Variants in KIRREL3 observed in about 807,000 individuals in gnomAD.
The protein encoded by KIRREL3 is kirre like nephrin family adhesion molecule 3, also known as kin of IRRE-like protein 3.
Under a neutral mutation model 89.7 loss-of-function variants are expected in KIRREL3, and 36 were observed. The observed-to-expected ratio is 0.40, with a 90% CI of 0.31 to 0.53. The LOEUF (loss-of-function observed/expected upper bound fraction) is 0.53. Ranked by LOEUF, KIRREL3 falls within the 20% of genes least tolerant of loss-of-function variation. KIRREL3 has a pLI of 0.49. For missense variants in KIRREL3, 864 were observed against 1,056.6 expected (o/e 0.82, Z 2.53); for synonymous variants, 445 against 441.4 (o/e 1.01, Z -0.10).
chr11:126,995,585 C>T lies in KIRREL3; in HGVS notation c.55+4870G>A, dbSNP rs1950160116. 1 of 303,272 alleles carries T rather than the reference C, an allele frequency of 3.3e-6. No individual in the cohort carries two copies. Among genetic ancestry groups the T allele is most frequent in the African/African-American group, 2.2e-5 (1 of 45,912 alleles). The allele number at this position is 303,272 out of a possible 1,614,324, so 18.8% of individuals were successfully genotyped here. A position where few individuals can be genotyped will look rare whatever the true frequency, so the allele number is the denominator to read the frequency against. ...AGACCATAAAACCAGTGCTTTTGGC[C>T]CTCCTCCTCACTCCTCCAGTATGGG... On this transcript the variant is annotated intron_variant, in intron 1 of 16. Transcript: ENST00000525144. This position sits in a 1 kb window ranked among gnomAD's most constrained non-coding sequence, Gnocchi z 6.5.
intron 1 of KIRREL3, among the ~76,000 whole-genome samples, chr11:126,939,033 G>A (rs1784324): frequency 0.095 from 14,522 of 152,168 alleles, 805 homozygotes; most frequent in Middle Eastern, 0.17. Flanking sequence ...GCTGAGCCCC[G>A]CCCTGCCAGG....
rs192063454 is a variant in KIRREL3, at chr11:126,432,494, A to T, written c.1589-968T>A. On this transcript the variant is annotated intron_variant, in intron 13 of 16. Transcript: ENST00000525144. The surrounding 1 kb of genome is among the most constrained non-coding windows in gnomAD (Gnocchi z 6.2). ...TTGGGGCTCTCACTGAGGTCCGGAG[A>T]AGTCAAGTGATTTGGCCAAGGACAC... 3.3e-5 allele frequency among the ~76,000 whole-genome samples: 5 copies of T among 152,148 alleles called. No individual in the cohort carries two copies. The highest frequency in any genetic ancestry group is 7.4e-5 in the Non-Finnish European group (5 of 67,998).
chr11:126,914,926 C>T (rs534838312), intron 1 of KIRREL3, among the ~76,000 whole-genome samples: 4 of 152,206 alleles, frequency 2.6e-5, no homozygotes, highest in Non-Finnish European at 4.4e-5. Flanking sequence ...ATTCACAGCA[C>T]ATCTGTGGGT....
rs1442042871 is a variant in KIRREL3, at chr11:126,694,964, A to G, written c.56-132052T>C. On this transcript the variant is annotated intron_variant, in intron 1 of 16. Coordinates refer to ENST00000525144, the MANE Select transcript of KIRREL3 (RefSeq NM_032531.4). The surrounding 1 kb of genome is among the most constrained non-coding windows in gnomAD (Gnocchi z 4.4). ...GATTGGGAGATGAGATGCGAGTCTCAATGCCTAGAATGCTCTATAGCAGGG... is the reference window on the plus strand; with the variant it reads ...GATTGGGAGATGAGATGCGAGTCTCGATGCCTAGAATGCTCTATAGCAGGG... Among the ~76,000 whole-genome samples, 1 of 152,190 alleles carries G rather than the reference A, an allele frequency of 6.6e-6. No individual in the cohort carries two copies. The highest frequency in any genetic ancestry group is 2.4e-5 in the African/African-American group (1 of 41,434).
rs534320334 is a variant in KIRREL3 at position 126,817,520 on chromosome 11, C to G, written c.55+182935G>C. On this transcript the variant is annotated intron_variant, in intron 1 of 16. Transcript: ENST00000525144. The surrounding 1 kb of genome is among the most constrained non-coding windows in gnomAD (Gnocchi z 5.7). ...CCCACCAATCAGGCATTAGCATCCC[C>G]AGTCCTCTGGTGTCCTATGGTTGGA... Among the ~76,000 whole-genome samples, 1 of 152,308 alleles carries G rather than the reference C, an allele frequency of 6.6e-6. No homozygotes were observed. Among genetic ancestry groups the G allele is most frequent in the African/African-American group, 2.4e-5 (1 of 41,574 alleles).
In KIRREL3 at chr11:126,568,281, G is replaced by T. The variant is rs1471560246; in HGVS notation, c.56-5369C>A. The stretch of plus-strand genomic sequence containing the variant: ...TTTCATAAAGGATCCCTTCAGCACT[G>T]GTGCAGATGATGGATGGGAGATGAG... On this transcript the variant is annotated intron_variant, in intron 1 of 16. Coordinates refer to ENST00000525144, the MANE Select transcript of KIRREL3 (RefSeq NM_032531.4). The surrounding 1 kb of genome is among the most constrained non-coding windows in gnomAD (Gnocchi z 4.6). 6.7e-6 allele frequency among the ~76,000 whole-genome samples: 1 copy of T among 150,218 alleles called. No individual in the cohort carries two copies. Among genetic ancestry groups the T allele is most frequent in the Admixed American group, 6.6e-5 (1 of 15,164 alleles).
intron 1 of KIRREL3, among the ~76,000 whole-genome samples, chr11:126,775,139 C>G (rs1277974073): frequency 6.6e-6 from 1 of 152,134 alleles, no homozygotes; most frequent in African/African-American, 2.4e-5. Context: ...AACAGTTTCC[C>G]CTTCTTAGAC....
rs574982133 is a variant in KIRREL3, at chr11:126,755,066, A to G, written c.56-192154T>C. On this transcript the variant is annotated intron_variant, in intron 1 of 16. Transcript: ENST00000525144. This position sits in a 1 kb window ranked among gnomAD's most constrained non-coding sequence, Gnocchi z 4.3. ...CCAGATAAGAGTATCTTAATCAAAT[A>G]AAAAAAGCATTAGGCTTTAATCTCC... 6.6e-6 allele frequency among the ~76,000 whole-genome samples: 1 copy of G among 151,384 alleles called. No homozygotes were observed. Among genetic ancestry groups the G allele is most frequent in the Non-Finnish European group, 1.5e-5 (1 of 68,038 alleles).
intron 1 of KIRREL3, among the ~76,000 whole-genome samples, chr11:126,728,827 T>C (rs1210799370): frequency 2.0e-5 from 3 of 152,230 alleles, no homozygotes; most frequent in Non-Finnish European, 4.4e-5. Context: ...CCTGCATTAA[T>C]TCAAGTGAGG....
chr11:126,595,911 A>C (rs1404389549), intron 1 of KIRREL3, among the ~76,000 whole-genome samples: 1 of 152,200 alleles, frequency 6.6e-6, no homozygotes, highest in African/African-American at 2.4e-5. Context: ...GTGTGTGTCT[A>C]TGGTCATAAA....
At position 126,447,894 on chromosome 11, in the gene KIRREL3, G is replaced by T. The variant is rs568778793; in HGVS notation, c.998-1008C>A. On this transcript the variant is annotated intron_variant, in intron 8 of 16. Coordinates refer to ENST00000525144, the MANE Select transcript of KIRREL3 (RefSeq NM_032531.4). ...AAAAGCAAGTTTAAAACTGTAAGGGGCGGTGCATGAGCTAAGGATGCTTGT... is the reference window on the plus strand; with the variant it reads ...AAAAGCAAGTTTAAAACTGTAAGGGTCGGTGCATGAGCTAAGGATGCTTGT... 2.6e-5 allele frequency among the ~76,000 whole-genome samples: 4 copies of T among 152,312 alleles called. No individual in the cohort carries two copies. The East Asian group carries it at 7.7e-4, about 29-fold the overall frequency.
rs773451251 is a variant in KIRREL3 at position 126,768,406 on chromosome 11, T to C, written c.56-205494A>G. On this transcript the variant is annotated intron_variant, in intron 1 of 16. Coordinates refer to ENST00000525144, the MANE Select transcript of KIRREL3 (RefSeq NM_032531.4). The surrounding 1 kb of genome is among the most constrained non-coding windows in gnomAD (Gnocchi z 4.5). ...GCACTGCATGTCCCAGGTCTGGAAATGCCTATGAATCAGTCAGGCAGGCCA... is the reference window on the plus strand; with the variant it reads ...GCACTGCATGTCCCAGGTCTGGAAACGCCTATGAATCAGTCAGGCAGGCCA... 1.2e-4 allele frequency among the ~76,000 whole-genome samples: 18 copies of C among 152,248 alleles called. No individual in the cohort carries two copies. Among genetic ancestry groups the C allele is most frequent in the Non-Finnish European group, 2.4e-4 (16 of 68,034 alleles).
chr11:126,634,193 C>T (rs933758655), intron 1 of KIRREL3, among the ~76,000 whole-genome samples: 3 of 152,158 alleles, frequency 2.0e-5, no homozygotes, highest in Non-Finnish European at 2.9e-5. Context: ...TCACCGGTAC[C>T]GAAGGCTCTG....
chr11:126,482,566 A>G (rs1957249944), intron 4 of KIRREL3, among the ~76,000 whole-genome samples: 1 of 152,242 alleles, frequency 6.6e-6, no homozygotes, highest in Admixed American at 6.5e-5. Context: ...GGTCTGATGG[A>G]TGATGTGGCA....
In KIRREL3 at chr11:126,639,117, C is replaced by T. The variant is rs562334818; in HGVS notation, c.56-76205G>A. On this transcript the variant is annotated intron_variant, in intron 1 of 16. Coordinates refer to ENST00000525144, the MANE Select transcript of KIRREL3 (RefSeq NM_032531.4). This position sits in a 1 kb window ranked among gnomAD's most constrained non-coding sequence, Gnocchi z 4.3. ...GTTTCTTCATGACTTGGCCAGCCCC[C>T]CAATCATCCCAAAGCCCAGTTAAGA... Among the ~76,000 whole-genome samples the T allele has an allele frequency of 1.3e-5, 2 of 152,286 alleles. No individual in the cohort carries two copies. The highest frequency in any genetic ancestry group is 6.5e-5 in the Admixed American group (1 of 15,308).
rs35604640 is a variant in KIRREL3, at chr11:126,778,045, GAA to G, written c.56-215135_56-215134del. 4.8e-5 allele frequency among the ~76,000 whole-genome samples: 5 copies of G among 103,290 alleles called. No individual in the cohort carries two copies. Among genetic ancestry groups the G allele is most frequent in the East Asian group, 3.2e-4 (1 of 3,150 alleles). 67.8% of individuals were successfully genotyped at this position (103,290 alleles called of 152,430 possible). On this transcript the variant is annotated intron_variant, in intron 1 of 16. Coordinates refer to ENST00000525144, the MANE Select transcript of KIRREL3 (RefSeq NM_032531.4). This position sits in a 1 kb window ranked among gnomAD's most constrained non-coding sequence, Gnocchi z 4.5. ...ATATGAGAAATACATGCTCATTGTA[GAA>G]AAAAAAAAAAAAAGAAAAACTATAG...
intron 7 of KIRREL3, among the ~76,000 whole-genome samples, chr11:126,452,028 C>T (rs999191866): frequency 1.1e-4 from 16 of 152,138 alleles, no homozygotes; most frequent in Non-Finnish European, 2.2e-4. Flanking sequence ...ACGCCGTCTC[C>T]TGCCCTTCCC....
chr11:126,757,979 G>T (rs745501557), intron 1 of KIRREL3, among the ~76,000 whole-genome samples: 4 of 152,232 alleles, frequency 2.6e-5, no homozygotes, highest in Non-Finnish European at 5.9e-5. Flanking sequence ...TTGCAAGGGT[G>T]GTGGGGAAAA....
intron 1 of KIRREL3, among the ~76,000 whole-genome samples, chr11:126,866,650 C>T (rs1824709353): frequency 8.4e-6 from 1 of 118,878 alleles, no homozygotes. Flanking sequence ...CTCCTCACTG[C>T]CCCCCCACAC....
Sources: gnomAD v4.1 joint callset for allele counts (sites outside exome capture counted in the v4.1 genomes callset) on GRCh38, gnomAD v4.1.1 for gene constraint, Gnocchi (gnomAD v3.1) non-coding constraint, MANE v1.5 for transcripts, NCBI Gene and HGNC (gene_info 2026-07-23, HGNC 2026-07-21) for gene names.